Variants in RIT2 observed in about 807,000 individuals in gnomAD.
RIT2 encodes GTP-binding protein Rit2.
Under a neutral mutation model 23.7 loss-of-function variants are expected in RIT2, and 24 were observed. That is an observed-to-expected ratio of 1.01 (90% CI 0.73 to 1.43). The LOEUF is 1.43. RIT2 is among the 40% of genes most tolerant of loss of function. The probability of loss-of-function intolerance (pLI) is 0.00; values close to 1 mark genes in which losing one functional copy is unlikely to be tolerated. For missense variants in RIT2, 236 were observed against 266.9 expected (o/e 0.88, Z 0.81); for synonymous variants, 107 against 91.1 (o/e 1.17, Z -0.99).
At chr18:42,903,489 CAT>C (rs1245544345) in intron 4 of RIT2, among the ~76,000 whole-genome samples, 1 of 151,982 alleles carries the variant, frequency 6.6e-6, no homozygotes, top group East Asian at 1.9e-4. Flanking sequence ...AGTATAAATG[CAT>C]TTTTTAGTTT....
At chr18:42,957,270 G>A (rs572534857) in intron 3 of RIT2, among the ~76,000 whole-genome samples, 2 of 152,136 alleles carry the variant, frequency 1.3e-5, no homozygotes, top group South Asian at 2.1e-4. Flanking sequence ...ATTTTGATAC[G>A]ATTAAAGTAG....
At chr18:42,898,081 G>C (rs1185285687) in intron 4 of RIT2, among the ~76,000 whole-genome samples, 4 of 152,128 alleles carry the variant, frequency 2.6e-5, no homozygotes, top group African/African-American at 9.7e-5. Context: ...TGCTTTGTAG[G>C]CTCCCTAACT....
At chr18:42,829,638 G>A (rs536787022) in intron 4 of RIT2, among the ~76,000 whole-genome samples, 1 of 152,236 alleles carries the variant, frequency 6.6e-6, no homozygotes, top group South Asian at 2.1e-4. Flanking sequence ...CACCTTTCTT[G>A]CTATGTTTCT....
At chr18:42,849,005 C>T (rs1232762288) in intron 4 of RIT2, among the ~76,000 whole-genome samples, 4 of 152,094 alleles carry the variant, frequency 2.6e-5, no homozygotes, top group African/African-American at 4.8e-5. Context: ...TTTTAAAAAA[C>T]GATTTTATAT....
chr18:42,903,097 T>C (rs2144108841), intron 4 of RIT2, among the ~76,000 whole-genome samples: 2 of 152,126 alleles, frequency 1.3e-5, no homozygotes, highest in Middle Eastern at 3.4e-3. Flanking sequence ...CTCACATGCT[T>C]TTAAAAAATC....
intron 1 of RIT2, among the ~76,000 whole-genome samples, chr18:43,036,186 C>T (rs1672138463): frequency 6.6e-6 from 1 of 152,128 alleles, no homozygotes; most frequent in Admixed American, 6.5e-5. Context: ...ACTTGAGAAA[C>T]ATACAGCCAA....
chr18:42,780,820 CTT>C (rs750695978), intron 4 of RIT2, among the ~76,000 whole-genome samples: 63 of 131,028 alleles, frequency 4.8e-4, no homozygotes, highest in Middle Eastern at 4.0e-3. Flanking sequence ...GCTTTTCAGG[CTT>C]TTTTTTTTTT....
intron 1 of RIT2, among the ~76,000 whole-genome samples, chr18:43,112,124 C>T (rs1598790057): frequency 1.3e-5 from 2 of 152,142 alleles, no homozygotes; most frequent in African/African-American, 4.8e-5. Flanking sequence ...ATATAACATT[C>T]GAGACCTAGG....
intron 3 of RIT2, among the ~76,000 whole-genome samples, chr18:42,961,450 A>G (rs767600471): frequency 6.6e-5 from 10 of 152,232 alleles, no homozygotes; most frequent in Admixed American, 2.6e-4. Context: ...GTGGACTCTT[A>G]TCAAGACTCA....
intron 3 of RIT2, among the ~76,000 whole-genome samples, chr18:42,953,366 G>A (rs1373243297): frequency 6.6e-6 from 1 of 152,054 alleles, no homozygotes. Context: ...AGAAAGGAAA[G>A]ATACTTGATG....
chr18:42,787,895 T>C (rs1913956723), intron 4 of RIT2, among the ~76,000 whole-genome samples: 1 of 151,836 alleles, frequency 6.6e-6, no homozygotes. Flanking sequence ...TTATTAAAAA[T>C]TAAAACTGAT....
chr18:42,802,701 A>T (rs1318567853), intron 4 of RIT2, among the ~76,000 whole-genome samples: 1 of 152,142 alleles, frequency 6.6e-6, no homozygotes, highest in Admixed American at 6.6e-5. Context: ...TTCTTGCTGA[A>T]CCATCTTTTT....
chr18:43,077,026 C>T (rs1005494755), intron 1 of RIT2, among the ~76,000 whole-genome samples: 1 of 145,988 alleles, frequency 6.8e-6, no homozygotes, highest in Admixed American at 7.1e-5. Context: ...TGGCGTGAAC[C>T]CGGGAGGCGG....
chr18:42,941,781 T>C (rs566656972), intron 3 of RIT2, among the ~76,000 whole-genome samples: 1 of 152,286 alleles, frequency 6.6e-6, no homozygotes, highest in African/African-American at 2.4e-5. Context: ...TATATATGTA[T>C]GTATATTTGT....
intron 3 of RIT2, among the ~76,000 whole-genome samples, chr18:42,948,138 T>C (rs192767066): frequency 3.0e-4 from 46 of 152,230 alleles, no homozygotes; most frequent in African/African-American, 1.0e-3. Context: ...TTAATTGGAA[T>C]GAATTACATT....
intron 4 of RIT2, among the ~76,000 whole-genome samples, chr18:42,771,588 T>C (rs1159436868): frequency 2.0e-5 from 3 of 152,284 alleles, no homozygotes; most frequent in Non-Finnish European, 4.4e-5. Flanking sequence ...ACATGTTTGA[T>C]TATTAAAATC....
intron 3 of RIT2, among the ~76,000 whole-genome samples, chr18:42,957,072 A>T (rs555880266): frequency 6.6e-5 from 10 of 152,224 alleles, no homozygotes; most frequent in Non-Finnish European, 1.5e-4. Context: ...ATTAATCAAC[A>T]TCAGTTAAAA....
chr18:42,972,780 C>G (rs1221734905), intron 3 of RIT2, among the ~76,000 whole-genome samples: 1 of 151,656 alleles, frequency 6.6e-6, no homozygotes, highest in Admixed American at 6.6e-5. Flanking sequence ...GATCCAAAAT[C>G]AATAAAAAAT....
At chr18:43,101,048 T>TGC (rs1335703275) in intron 1 of RIT2, among the ~76,000 whole-genome samples, 46 of 151,216 alleles carry the variant, frequency 3.0e-4, no homozygotes, top group African/African-American at 1.0e-3. Flanking sequence ...GTATAATGTA[T>TGC]GTGTGTGTAT....
Sources: allele counts gnomAD v4.1 joint callset (sites outside exome capture counted in the v4.1 genomes callset), GRCh38; gene constraint gnomAD v4.1.1; transcripts MANE v1.5; gene names NCBI Gene and HGNC (gene_info 2026-07-23, HGNC 2026-07-21).